The following KIF1B variants were observed in gnomAD, a reference collection of about 807,000 sequenced individuals.
The protein encoded by KIF1B is kinesin-like protein KIF1B.
KIF1B carries 76 observed loss-of-function variants against 241.9 expected under a neutral mutation model. That is an observed-to-expected ratio of 0.31 (90% confidence interval 0.26 to 0.38). The LOEUF is 0.38. KIF1B is among the 10% of genes least tolerant of loss of function. KIF1B has a pLI of 1.00. For missense variants in KIF1B, 1,622 were observed against 2,271.4 expected, an observed-to-expected ratio of 0.71 and a Z score of 5.81; for synonymous variants, 750 against 796.7, an observed-to-expected ratio of 0.94 and a Z score of 0.99.
intron 22 of KIF1B, among the ~76,000 whole-genome samples, chr1:10,299,387 G>A (rs1650429722): frequency 6.6e-6 from 1 of 152,128 alleles, no homozygotes; most frequent in Admixed American, 6.6e-5. Flanking sequence ...TCCTCTCAAA[G>A]GTCTGTCTGT....
intron 22 of KIF1B, among the ~76,000 whole-genome samples, chr1:10,312,468 T>C (rs1651109059): frequency 6.6e-6 from 1 of 151,376 alleles, no homozygotes; most frequent in Admixed American, 6.6e-5. Flanking sequence ...CTCTAAACCA[T>C]CCAGCAGTTT....
intron 15 of KIF1B, among the ~76,000 whole-genome samples, chr1:10,285,044 G>A (rs1649621427): frequency 6.6e-6 from 1 of 152,156 alleles, no homozygotes; most frequent in Admixed American, 6.6e-5. Context: ...TTTTACTAAA[G>A]ACCTTAGTGA....
In KIF1B at chr1:10,357,076, C is replaced by T. The variant is rs111246715; in HGVS notation, c.4056-3853C>T. On this transcript the variant is annotated intron_variant, in intron 38 of 48. Coordinates refer to ENST00000676179, the MANE Select transcript of KIF1B (RefSeq NM_001365951.3). ...AAATTTTTTTGTAGAGACAGGGTCT[C>T]GCTATATTGCCCACGCTGGCCTCAA... Among the ~76,000 whole-genome samples, 495 of 152,228 alleles carry T rather than the reference C, an allele frequency of 3.3e-3. 4 individuals are homozygous for T. The highest frequency in any genetic ancestry group is 0.012 in the African/African-American group (480 of 41,550).
At chr1:10,352,448 G>A (rs1386133457) in intron 37 of KIF1B, among the ~76,000 whole-genome samples, 183 bp from the exon 38 acceptor site, 2 of 152,186 alleles carry the variant, frequency 1.3e-5, no homozygotes, top group Admixed American at 1.3e-4. Context: ...AATCAATATG[G>A]TTTCATAGTT....
chr1:10,305,810 G>T (rs904993782), intron 22 of KIF1B: 6 of 1,053,674 alleles, frequency 5.7e-6, no homozygotes, highest in African/African-American at 1.7e-5. Context: ...GGGAAGAAAA[G>T]AATTATTTTC....
In KIF1B at chr1:10,220,755, C is replaced by T. The variant is rs532071169; in HGVS notation, c.-80+9877C>T. On this transcript the variant is annotated intron_variant, in intron 1 of 48. Coordinates refer to ENST00000676179, the MANE Select transcript of KIF1B (RefSeq NM_001365951.3). Reference sequence around the variant, plus strand: ...TTGGCTCACTGCAACCTCCGCCTCCCAGGTTCAAGCTATTCTCCTGCCTCA... The same window carrying T: ...TTGGCTCACTGCAACCTCCGCCTCCTAGGTTCAAGCTATTCTCCTGCCTCA... Among the ~76,000 whole-genome samples, 4 of 152,026 alleles carry T rather than the reference C, an allele frequency of 2.6e-5. No individual in the cohort carries two copies. In the East Asian group the frequency reaches 5.8e-4, roughly 22 times the overall value.
chr1:10,288,012 T>A (rs1463755279), intron 15 of KIF1B, among the ~76,000 whole-genome samples: 1 of 152,306 alleles, frequency 6.6e-6, no homozygotes, highest in Non-Finnish European at 1.5e-5. Flanking sequence ...TTGAGAAGAT[T>A]GTATAGATTT....
At chr1:10,259,210 G>GAATGA (rs1236257266) in intron 4 of KIF1B, among the ~76,000 whole-genome samples, 1 of 150,398 alleles carries the variant, frequency 6.6e-6, no homozygotes, top group Non-Finnish European at 1.5e-5. Flanking sequence ...TATTGTTTGG[G>GAATGA]AATGAAGAAG....
Position 10,366,455 on chromosome 1 carries a change from G to A in KIF1B, c.4752+807G>A, listed in dbSNP as rs186511617. On this transcript the variant is annotated intron_variant, in intron 43 of 48. Transcript: ENST00000676179. ...CAGGAGGGAGGCAGTGGTGTCCTGC[G>A]TGATCAGGAGGGAGGCAGCGGTGTC... 2.2e-3 allele frequency among the ~76,000 whole-genome samples: 340 copies of A among 151,570 alleles called. 2 individuals carry two copies. Among genetic ancestry groups the A allele is most frequent in the African/African-American group, 7.9e-3 (326 of 41,298 alleles).
At chr1:10,230,432 T>G (rs1205136133) in intron 1 of KIF1B, among the ~76,000 whole-genome samples, 1 of 145,758 alleles carries the variant, frequency 6.9e-6, no homozygotes, top group Non-Finnish European at 1.5e-5. Context: ...TGGTTGTTTT[T>G]TTTTTCTTTC....
intron 5 of KIF1B, among the ~76,000 whole-genome samples, chr1:10,265,890 T>TA (rs1397309548): frequency 6.6e-6 from 1 of 152,034 alleles, no homozygotes; most frequent in East Asian, 1.9e-4. Flanking sequence ...AAAATACAGT[T>TA]AGAGACTGAA....
intron 2 of KIF1B, among the ~76,000 whole-genome samples, chr1:10,248,415 G>T (rs1177782771): frequency 1.3e-5 from 2 of 152,066 alleles, no homozygotes; most frequent in Non-Finnish European, 2.9e-5. Flanking sequence ...TGCCCAGGCT[G>T]GTCTCAAACT....
At chr1:10,218,587 A>C (rs544200338) in intron 1 of KIF1B, among the ~76,000 whole-genome samples, 2 of 152,048 alleles carry the variant, frequency 1.3e-5, no homozygotes, top group Admixed American at 6.6e-5. Context: ...CACCCAGCTA[A>C]TTTTTGTATT....
At chr1:10,252,469 G>T (rs1647512991) in intron 2 of KIF1B, among the ~76,000 whole-genome samples, 1 of 151,982 alleles carries the variant, frequency 6.6e-6, no homozygotes, top group South Asian at 2.1e-4. Context: ...GGAGTGCAGT[G>T]GCACAATCTT....
In KIF1B at chr1:10,374,914, T is replaced by C; in HGVS notation, c.5157T>C (p.Ala1719=). The C allele has an allele frequency of 6.2e-7, 1 of 1,614,230 alleles. No homozygotes were observed. The highest frequency in any genetic ancestry group is 2.2e-5 in the East Asian group (1 of 44,890). Residue 1719 remains alanine, a synonymous_variant, in exon 47 of 49, where the codon GCT becomes GCC. Transcript: ENST00000676179. This position sits in a 1 kb window ranked among gnomAD's most constrained non-coding sequence, Gnocchi z 4.3. ...AGGAGCCTCTTTACAGTAACTGGGC[T>C]AAACATTTTGTTGTCGTCCGTCGGC... ...HFKEPLYSNW[A]KHFVVVRRPY... is the part of the protein sequence containing the mutation.
chr1:10,232,010 C>T (rs992455330), intron 1 of KIF1B, among the ~76,000 whole-genome samples: 1 of 152,020 alleles, frequency 6.6e-6, no homozygotes, highest in Non-Finnish European at 1.5e-5. Flanking sequence ...GTCTGAGCTA[C>T]TTGGGAGACT....
chr1:10,272,910 G>C, intron 9 of KIF1B, 104 bp from the exon 10 acceptor site: 3 of 947,582 alleles, frequency 3.2e-6, no homozygotes, highest in Non-Finnish European at 4.8e-6. Context: ...TGCTTGCCTT[G>C]GAGAAATCAT....
At chr1:10,212,487 C>G (rs1646705769) in intron 1 of KIF1B, among the ~76,000 whole-genome samples, 1 of 152,154 alleles carries the variant, frequency 6.6e-6, no homozygotes, top group Non-Finnish European at 1.5e-5. Context: ...TGGACAGGAC[C>G]TGGAGAGATG....
chr1:10,250,495 C>T (rs903223406), intron 2 of KIF1B, among the ~76,000 whole-genome samples: 2 of 151,988 alleles, frequency 1.3e-5, no homozygotes, highest in African/African-American at 2.4e-5. Context: ...CCCACCACCA[C>T]GCCCAGCTAA....
Sources: allele counts gnomAD v4.1 joint callset (sites outside exome capture counted in the v4.1 genomes callset), GRCh38; gene constraint gnomAD v4.1.1; non-coding constraint Gnocchi (gnomAD v3.1); transcripts MANE v1.5; gene names NCBI Gene and HGNC (gene_info 2026-07-23, HGNC 2026-07-21).